HMCN1: variants seen among roughly 807,000 people sequenced by gnomAD.
The protein encoded by HMCN1 is hemicentin 1.
HMCN1 carries 321 observed loss-of-function variants against 625.9 expected under a neutral mutation model. The observed-to-expected ratio is 0.51, with a 90% CI of 0.47 to 0.56. The LOEUF (loss-of-function observed/expected upper bound fraction) is 0.56, where lower values mean the gene tolerates loss of function less well. Ranked by LOEUF, HMCN1 falls within the 20% of genes least tolerant of loss-of-function variation. The pLI, the probability that HMCN1 is intolerant of heterozygous loss-of-function variation, is 0.00. For synonymous variants in HMCN1, 2,425 were observed against 2,417.6 expected (o/e 1.00, Z -0.09); for missense variants, 6,588 against 6,887.3 (o/e 0.96, Z 1.54).
chr1:185,867,836 C>T (rs959529469), intron 4 of HMCN1, among the ~76,000 whole-genome samples: 16 of 151,974 alleles, frequency 1.1e-4, no homozygotes, highest in African/African-American at 2.4e-4. Flanking sequence ...TTTGGGAGGC[C>T]GCAGCAGGTG....
chr1:186,009,165 C>T (rs1354316033), intron 30 of HMCN1, among the ~76,000 whole-genome samples: 1 of 152,142 alleles, frequency 6.6e-6, no homozygotes, highest in Non-Finnish European at 1.5e-5. Flanking sequence ...GAGTAGTCTT[C>T]TCTGCACTAT....
chr1:186,003,630 A>G, intron 28 of HMCN1, 88 bp from the exon 29 acceptor site: 1 of 1,233,880 alleles, frequency 8.1e-7, no homozygotes, highest in Non-Finnish European at 1.2e-6. Flanking sequence ...TTGTTGAAAT[A>G]CTATAGAAAT....
intron 96 of HMCN1, 105 bp downstream of exon 96, chr1:186,152,976 T>C: frequency 7.1e-7 from 1 of 1,411,932 alleles, no homozygotes; most frequent in South Asian, 1.2e-5. Flanking sequence ...GGGGAAAATG[T>C]CCAAACTACC....
intron 11 of HMCN1, among the ~76,000 whole-genome samples, chr1:185,949,281 G>A (rs904001043): frequency 4.0e-5 from 6 of 151,732 alleles, no homozygotes; most frequent in African/African-American, 1.5e-4. Flanking sequence ...TGACTAGACA[G>A]AAGATAGTAG....
chr1:186,118,440 A>G lies in HMCN1; in HGVS notation c.11849-751A>G, dbSNP rs575053403. ...ATCATAAAAGATTTTAAAATAAAGT[A>G]TTAGGCTAAGAAAACAATTTAGAAC... On this transcript the variant is annotated intron_variant, in intron 77 of 106. Coordinates refer to ENST00000271588, the MANE Select transcript of HMCN1 (RefSeq NM_031935.3). 1.1e-4 allele frequency among the ~76,000 whole-genome samples: 16 copies of G among 152,354 alleles called. 1 individual carries two copies. The East Asian group carries it at 3.1e-3, about 29-fold the overall frequency.
Position 185,956,695 on chromosome 1 carries a change from A to G in HMCN1, c.1829-5823A>G, listed in dbSNP as rs566771548. ...TTGATTACATCACGGGCCATCAGTG[A>G]TCATCGCTGCCTTCATCTCCTCTCC... On this transcript the variant is annotated intron_variant, in intron 11 of 106. Coordinates refer to ENST00000271588, the MANE Select transcript of HMCN1 (RefSeq NM_031935.3). 9.9e-5 allele frequency among the ~76,000 whole-genome samples: 15 copies of G among 152,158 alleles called. No homozygotes were observed. In the South Asian group the frequency reaches 2.9e-3, roughly 30 times the overall value.
chr1:185,864,488 G>A lies in HMCN1; in HGVS notation c.358G>A (p.Glu120Lys). ...LYVQGGGDCP[E>K]MSIGAIKIAL... ...TCAACAGGGTGGTGGTGATTGCCCAGAAATGAGTATTGGAGCTATAAAAAT... is the reference window on the plus strand; with the variant it reads ...TCAACAGGGTGGTGGTGATTGCCCAAAAATGAGTATTGGAGCTATAAAAAT... Residue 120 changes from glutamate to lysine, a missense_variant, in exon 3 of 107, where the codon GAA becomes AAA. This residue lies in a region of HMCN1 where 4,628 missense variants were observed against 4,853.1 expected (regional missense o/e 0.95). Transcript: ENST00000271588. 1 of 1,614,010 alleles carries A rather than the reference G, an allele frequency of 6.2e-7. No homozygotes were observed. The highest frequency in any genetic ancestry group is 8.5e-7 in the Non-Finnish European group (1 of 1,179,950).
intron 89 of HMCN1, 134 bp downstream of exon 89, chr1:186,138,106 C>A: frequency 1.0e-6 from 1 of 999,930 alleles, no homozygotes; most frequent in Non-Finnish European, 1.5e-6. Flanking sequence ...TGTTCATTCA[C>A]TATATTCTTA....
chr1:186,076,451 T>C lies in HMCN1; in HGVS notation c.8314T>C (p.Trp2772Arg). 1.2e-6 allele frequency: 2 copies of C among 1,613,636 alleles called. No homozygotes were observed. The highest frequency in any genetic ancestry group is 2.7e-5 in the African/African-American group (2 of 75,040). ...AGTTCCTCCAAGTTTTCAGAAACTCTGGGAAATAGGAAACATGCTAGATAC... is the reference window on the plus strand; with the variant it reads ...AGTTCCTCCAAGTTTTCAGAAACTCCGGGAAATAGGAAACATGCTAGATAC... ...IQVPPSFQKLWEIGNMLDTGR... is the reference protein window; with the variant it reads ...IQVPPSFQKLREIGNMLDTGR... The change falls in exon 54 of 107, where the codon TGG (tryptophan) becomes CGG (arginine). Residue 2772 changes from tryptophan (W) to arginine (R), a missense_variant. Trp to Arg is a moderately radical substitution (Grantham distance 101, BLOSUM62 -3). Around this residue, in one of 3 missense-constraint regions of HMCN1, gnomAD observed 4,628 missense variants for 4,853.1 expected, o/e 0.95. Coordinates refer to ENST00000271588, the MANE Select transcript of HMCN1 (RefSeq NM_031935.3).
At chr1:185,922,569 A>G (rs1445074393) in intron 7 of HMCN1, 70 bp downstream of exon 7, 5 of 1,372,826 alleles carry the variant, frequency 3.6e-6, no homozygotes, top group Non-Finnish European at 5.1e-6. Context: ...CAGACTGTCT[A>G]TAATTTTATA....
At chr1:185,876,238 A>G (rs1663922222) in intron 4 of HMCN1, among the ~76,000 whole-genome samples, 1 of 152,138 alleles carries the variant, frequency 6.6e-6, no homozygotes, top group Non-Finnish European at 1.5e-5. Flanking sequence ...TGCAGATGAC[A>G]TGATTTCACT....
At chr1:186,133,881 C>A (rs1228140936) in intron 86 of HMCN1, among the ~76,000 whole-genome samples, 1 of 141,652 alleles carries the variant, frequency 7.1e-6, no homozygotes, top group African/African-American at 2.7e-5. Flanking sequence ...GTGCTCAGCC[C>A]TCCTTAGGCA....
At chr1:185,996,297 T>A (rs1652784298) in intron 24 of HMCN1, among the ~76,000 whole-genome samples, 2 of 152,218 alleles carry the variant, frequency 1.3e-5, no homozygotes, top group Admixed American at 1.3e-4. Context: ...TGGAGAGAAC[T>A]TTCCAGGAGA....
rs568286456 is a variant in HMCN1 at position 185,912,641 on chromosome 1, G to A, written c.900+861G>A. Among the ~76,000 whole-genome samples, 22 of 152,042 alleles carry A rather than the reference G, an allele frequency of 1.4e-4. No individual in the cohort carries two copies. The East Asian group carries it at 1.9e-3, about 13-fold the overall frequency. Reference sequence around the variant, plus strand: ...TCTGTGTCTTGGAGGTTTTTTCCTAGAACAGGAAAAGGTTGTTCGGCTGAG... The same window carrying A: ...TCTGTGTCTTGGAGGTTTTTTCCTAAAACAGGAAAAGGTTGTTCGGCTGAG... On this transcript the variant is annotated intron_variant, in intron 6 of 106. Coordinates refer to ENST00000271588, the MANE Select transcript of HMCN1 (RefSeq NM_031935.3).
intron 1 of HMCN1, among the ~76,000 whole-genome samples, chr1:185,740,851 G>A (rs1028768975): frequency 2.6e-5 from 4 of 151,918 alleles, no homozygotes; most frequent in East Asian, 1.9e-4. Flanking sequence ...AAAATTAGCC[G>A]GGCATGGTGG....
chr1:185,908,767 A>C (rs1666242909), intron 4 of HMCN1, among the ~76,000 whole-genome samples: 1 of 150,746 alleles, frequency 6.6e-6, no homozygotes, highest in South Asian at 2.1e-4. Context: ...TTATTATAAA[A>C]ATGACTCTTT....
At chr1:186,019,454 T>A in intron 34 of HMCN1, 87 bp from the exon 35 acceptor site, 1 of 932,396 alleles carries the variant, frequency 1.1e-6, no homozygotes, top group South Asian at 1.4e-5. Flanking sequence ...TTTCTAAATT[T>A]TAAGGTTTCA....
intron 9 of HMCN1, among the ~76,000 whole-genome samples, chr1:185,926,229 T>A (rs933807975): frequency 2.0e-5 from 3 of 152,198 alleles, no homozygotes; most frequent in Non-Finnish European, 4.4e-5. Context: ...ATAACTTCCA[T>A]AAGATGTTAA....
intron 55 of HMCN1, among the ~76,000 whole-genome samples, chr1:186,080,500 T>C (rs1166309976): frequency 6.6e-6 from 1 of 152,212 alleles, no homozygotes; most frequent in African/African-American, 2.4e-5. Flanking sequence ...GTAGCTGGAT[T>C]CTATAGTATT....
Sources: gnomAD v4.1 joint callset for allele counts (sites outside exome capture counted in the v4.1 genomes callset) on GRCh38, gnomAD v4.1.1 for gene constraint, gnomAD v4.1.1 regional missense constraint, MANE v1.5 for transcripts, NCBI Gene and HGNC (gene_info 2026-07-23, HGNC 2026-07-21) for gene names.